The following ABLIM1 variants were observed in gnomAD, a reference collection of about 807,000 sequenced individuals.
ABLIM1 encodes the protein actin-binding LIM protein 1.
Under a neutral mutation model 107.0 loss-of-function variants are expected in ABLIM1, and 40 were observed. The ratio of observed to expected loss-of-function variants is 0.37; its 90% CI spans 0.29 to 0.49. The LOEUF is 0.49. Ranked by LOEUF, ABLIM1 falls within the 20% of genes least tolerant of loss-of-function variation. The pLI, the probability that ABLIM1 is intolerant of heterozygous loss-of-function variation, is 0.97. For synonymous variants in ABLIM1, 357 were observed against 357.3 expected (o/e 1.00, Z 0.01); for missense variants, 857 against 1,008.5 (o/e 0.85, Z 2.04).
intron 1 of ABLIM1, among the ~76,000 whole-genome samples, chr10:114,747,434 C>G (rs1445495331): frequency 6.6e-6 from 1 of 152,128 alleles, no homozygotes; most frequent in Non-Finnish European, 1.5e-5. Context: ...TATACGTGCC[C>G]AAAGAGTTCA....
chr10:114,551,079 G>T (rs150285422), intron 4 of ABLIM1, among the ~76,000 whole-genome samples: 366 of 152,330 alleles, frequency 2.4e-3, no homozygotes, highest in Admixed American at 5.7e-3. Context: ...GTGTCAGGAA[G>T]ACTCGGGCAA....
intron 2 of ABLIM1, among the ~76,000 whole-genome samples, chr10:114,586,684 G>T (rs1480165680): frequency 5.8e-5 from 4 of 68,428 alleles, no homozygotes; most frequent in Non-Finnish European, 1.1e-4. Context: ...TATCTCTTTG[G>T]TTCAGAAATA....
chr10:114,581,890 G>A (rs979155591), intron 2 of ABLIM1, among the ~76,000 whole-genome samples: 2 of 151,974 alleles, frequency 1.3e-5, no homozygotes, highest in African/African-American at 4.8e-5. Flanking sequence ...AATAAGAGTT[G>A]TCTAAGACAA....
upstream of ABLIM1, among the ~76,000 whole-genome samples, chr10:114,660,429 C>T (rs375582257): frequency 1.2e-4 from 17 of 146,198 alleles, no homozygotes; most frequent in Admixed American, 6.2e-4. Flanking sequence ...TCACCTGATC[C>T]CTCCAAAACT....
At chr10:114,508,109 A>G (rs914830737) in intron 6 of ABLIM1, among the ~76,000 whole-genome samples, 2 of 152,226 alleles carry the variant, frequency 1.3e-5, no homozygotes, top group African/African-American at 4.8e-5. Context: ...AGGGCATTCA[A>G]TTGAAATACC....
intron 6 of ABLIM1, among the ~76,000 whole-genome samples, chr10:114,494,146 T>C (rs1294681314): frequency 6.6e-6 from 1 of 152,200 alleles, no homozygotes; most frequent in Non-Finnish European, 1.5e-5. Context: ...ATGGTTCAAA[T>C]GAGCCGAAAG....
Position 114,437,914 on chromosome 10 carries a change from T to C in ABLIM1, c.2153A>G (p.Tyr718Cys). ...TCTGTTGGTCACCATGAGCATTTCA[T>C]ATGGAAATATCTGAGAAGAAAGAAA... is the stretch of plus-strand genomic sequence containing the variant. ...PNMLEPKIFP[Y>C]EMLMVTNRGR... Residue 718 changes from tyrosine to cysteine, a missense_variant, in exon 22 of 23, where the codon TAT (tyrosine) becomes TGT (cysteine). Transcript: ENST00000533213. 1.2e-6 allele frequency: 2 copies of C among 1,613,980 alleles called. No homozygotes were observed. Among genetic ancestry groups the C allele is most frequent in the Non-Finnish European group, 8.5e-7 (1 of 1,179,858 alleles).
At chr10:114,585,190 G>T (rs2074048847) in intron 2 of ABLIM1, among the ~76,000 whole-genome samples, 1 of 152,052 alleles carries the variant, frequency 6.6e-6, no homozygotes, top group African/African-American at 2.4e-5. Context: ...TTTCAAACTA[G>T]GCCACACATT....
At chr10:114,648,943 G>A (rs74158028) in intron 1 of ABLIM1, among the ~76,000 whole-genome samples, 3,235 of 134,124 alleles carry the variant, frequency 0.024, 101 homozygotes, top group African/African-American at 0.076. Flanking sequence ...ATCTCCAACT[G>A]AACTTAAAAA....
chr10:114,644,336 T>C (rs1487841711), intron 1 of ABLIM1, among the ~76,000 whole-genome samples: 3 of 128,830 alleles, frequency 2.3e-5, no homozygotes, highest in Admixed American at 7.8e-5. Flanking sequence ...TATATGTGTA[T>C]ATATTGTATA....
chr10:114,531,556 T>C (rs2065451564), intron 6 of ABLIM1, among the ~76,000 whole-genome samples: 1 of 152,214 alleles, frequency 6.6e-6, no homozygotes, highest in South Asian at 2.1e-4. Flanking sequence ...CTTGCTCTGT[T>C]GCCCAGGCTG....
At chr10:114,458,616 T>C (rs2063283339) in intron 12 of ABLIM1, among the ~76,000 whole-genome samples, 1 of 152,220 alleles carries the variant, frequency 6.6e-6, no homozygotes, top group Non-Finnish European at 1.5e-5. Flanking sequence ...TGCCGGTTCT[T>C]GTCTAAAGCG....
chr10:114,769,418 A>AGAAG (rs1415054155), upstream of ABLIM1, among the ~76,000 whole-genome samples: 10 of 19,900 alleles, frequency 5.0e-4, no homozygotes, highest in South Asian at 5.5e-3. Context: ...AAGAAAGAAA[A>AGAAG]GAAGGAAAGA....
intron 12 of ABLIM1, chr10:114,462,903 G>T: frequency 1.1e-6 from 1 of 871,868 alleles, no homozygotes; most frequent in Non-Finnish European, 1.6e-6. Context: ...GACAACTGTT[G>T]GGTATAGTCA....
At chr10:114,739,871 A>C (rs2082252386) in intron 1 of ABLIM1, among the ~76,000 whole-genome samples, 1 of 152,182 alleles carries the variant, frequency 6.6e-6, no homozygotes. Context: ...GGATTAAAGG[A>C]AGCTCAACCA....
Position 114,731,083 on chromosome 10 carries a change from T to A in ABLIM1, c.-213+36978A>T, listed in dbSNP as rs562718876. Among the ~76,000 whole-genome samples, 7 of 152,326 alleles carry A rather than the reference T, an allele frequency of 4.6e-5. No individual in the cohort carries two copies. The East Asian group carries it at 1.3e-3, about 29-fold the overall frequency. On this transcript the variant is annotated intron_variant, in intron 1 of 15. Transcript: ENST00000651092. ...ACCAGTTGATGTATATTTGAGTTGT[T>A]TGCAATTTTGGCTATTATGAATAAT...
chr10:114,519,615 T>C (rs981698894), intron 6 of ABLIM1, among the ~76,000 whole-genome samples: 1 of 152,168 alleles, frequency 6.6e-6, no homozygotes, highest in African/African-American at 2.4e-5. Flanking sequence ...CATCAGGCCA[T>C]TTAAGAAGTT....
At chr10:114,672,085 C>T (rs1467359469) in intron 1 of ABLIM1, among the ~76,000 whole-genome samples, 3 of 152,144 alleles carry the variant, frequency 2.0e-5, no homozygotes, top group South Asian at 2.1e-4. Flanking sequence ...CTATGTTGCC[C>T]GGGCTGGTCT....
chr10:114,621,103 G>T (rs1388512868), intron 1 of ABLIM1, among the ~76,000 whole-genome samples: 1 of 152,108 alleles, frequency 6.6e-6, no homozygotes, highest in African/African-American at 2.4e-5. Context: ...ATACTTTATT[G>T]CTTCTGTTTT....
Sources: gnomAD v4.1 joint callset for allele counts (sites outside exome capture counted in the v4.1 genomes callset) on GRCh38, gnomAD v4.1.1 for gene constraint, MANE v1.5 for transcripts, NCBI Gene and HGNC (gene_info 2026-07-23, HGNC 2026-07-21) for gene names.